Variants in POLR3A observed in about 807,000 individuals in gnomAD.
POLR3A encodes the protein RNA polymerase III subunit A.
A neutral mutation model predicts 152.8 loss-of-function variants in POLR3A; 112 were observed. The ratio of observed to expected loss-of-function variants is 0.73; its 90% confidence interval spans 0.63 to 0.86. The LOEUF is 0.86. POLR3A is among the 40% of genes least tolerant of loss of function. POLR3A has a pLI of 0.00. For missense variants in POLR3A, 1,385 were observed against 1,743.1 expected, an observed-to-expected ratio of 0.79 and a Z score of 3.66; for synonymous variants, 615 against 652.1, an observed-to-expected ratio of 0.94 and a Z score of 0.87.
chr10:78,019,423 A>G, intron 8 of POLR3A, 158 bp from the exon 9 acceptor site: 2 of 641,050 alleles, frequency 3.1e-6, no homozygotes, highest in South Asian at 3.5e-5. Context: ...GTATAATGTG[A>G]ACAACAGACT....
In POLR3A at chr10:78,022,212, C is replaced by T; in HGVS notation, c.818G>A (p.Gly273Asp). The change falls in exon 6 of 31, where the codon GGC becomes GAC. Residue 273 changes from glycine (G) to aspartate (D), a missense_variant. Transcript: ENST00000372371. ...CATTGTCAGATCATCTTCATTGGTG[C>T]CAGACTTCAAATCACTCACAACGGA... is the stretch of plus-strand genomic sequence containing the variant. ...RPSVVSDLKS[G>D]TNEDDLTMKL... The T allele has an allele frequency of 1.2e-6, 2 of 1,614,120 alleles. No homozygotes were observed. Among genetic ancestry groups the T allele is most frequent in the Non-Finnish European group, 1.7e-6 (2 of 1,180,008 alleles).
intron 30 of POLR3A, among the ~76,000 whole-genome samples, chr10:77,978,480 A>G (rs7905170): frequency 0.25 from 37,499 of 151,934 alleles, 5,129 homozygotes; most frequent in East Asian, 0.52. Context: ...GTGCTGGTGT[A>G]TGGGGCCGCA....
Position 77,991,859 on chromosome 10 carries a change from AC to A in POLR3A, c.2788-693del, listed in dbSNP as rs374399243. On this transcript the variant is annotated intron_variant, in intron 20 of 30. Coordinates refer to ENST00000372371, the MANE Select transcript of POLR3A (RefSeq NM_007055.4). ...CCTCTCCTCTGCTTTGTCCAAGTTG[AC>A]TCAATGTTTTAATGGCTGCATTATT... 3.2e-3 allele frequency among the ~76,000 whole-genome samples: 484 copies of A among 152,138 alleles called. 3 individuals are homozygous for A. Among genetic ancestry groups the A allele is most frequent in the African/African-American group, 0.011 (466 of 41,516 alleles).
chr10:77,982,964 A>G, intron 26 of POLR3A, 147 bp from the exon 27 acceptor site: 1 of 711,458 alleles, frequency 1.4e-6, no homozygotes, highest in Non-Finnish European at 2.6e-6. Flanking sequence ...AATATGCTAC[A>G]TATGTTTTAT....
In POLR3A at chr10:78,025,695, T is replaced by C; in HGVS notation, c.245A>G (p.His82Arg). The C allele has an allele frequency of 6.2e-7, 1 of 1,613,898 alleles. No homozygotes were observed. The highest frequency in any genetic ancestry group is 1.1e-5 in the South Asian group (1 of 91,070). Residue 82 changes from histidine (H) to arginine (R), a missense_variant, in exon 3 of 31, where the codon CAC (histidine) becomes CGC (arginine). Transcript: ENST00000372371. ...CAACTCCAGGTCGATATACCCATAG[T>C]GGCCTAGACAGTCAGCCAAGTTTTT... ...CGKNLADCLG[H>R]YGYIDLELPC...
chr10:78,003,768 C>CA (rs985336850), intron 16 of POLR3A, among the ~76,000 whole-genome samples: 24 of 147,800 alleles, frequency 1.6e-4, no homozygotes, highest in South Asian at 6.4e-4. Context: ...ACTAAAAATG[C>CA]AAAAAAAAAA....
Position 78,029,452 on chromosome 10 carries a change from T to G in POLR3A, c.-45A>C, listed in dbSNP as rs1045438842. Reference sequence around the variant, plus strand: ...CCTCCTTGGCACTCGGGAGGCCAGATTAGAGAAACGATGCCCCCAGCACCT... The same window carrying G: ...CCTCCTTGGCACTCGGGAGGCCAGAGTAGAGAAACGATGCCCCCAGCACCT... On this transcript the variant is annotated 5_prime_UTR_variant, in exon 1 of 31. Coordinates refer to ENST00000372371, the MANE Select transcript of POLR3A (RefSeq NM_007055.4). The G allele has an allele frequency of 1.9e-6, 3 of 1,608,366 alleles. No individual in the cohort carries two copies. Among genetic ancestry groups the G allele is most frequent in the Non-Finnish European group, 2.6e-6 (3 of 1,175,322 alleles).
rs115020338 is a variant in POLR3A, at chr10:78,009,681, G to C, written c.1771-6C>G. Reference sequence around the variant, plus strand: ...CCCGTCCACAGGGTGACAGGCTGAGGGGGGGAGGAAGCCTGAGAGTCAGTG... The same window carrying C: ...CCCGTCCACAGGGTGACAGGCTGAGCGGGGGAGGAAGCCTGAGAGTCAGTG... On this transcript the variant is annotated splice_polypyrimidine_tract_variant and splice_region_variant and intron_variant, in intron 13 of 30. Coordinates refer to ENST00000372371, the MANE Select transcript of POLR3A (RefSeq NM_007055.4). 70 of 1,613,784 alleles carry C rather than the reference G, an allele frequency of 4.3e-5. No homozygotes were observed. The highest frequency in any genetic ancestry group is 1.6e-4 in the Middle Eastern group (1 of 6,082).
intron 19 of POLR3A, 37 bp from the exon 20 acceptor site, chr10:77,993,404 G>C: frequency 1.0e-5 from 16 of 1,532,888 alleles, no homozygotes; most frequent in Non-Finnish European, 1.4e-5. Flanking sequence ...GCTGCTTTGA[G>C]AAGACTAGTC....
intron 20 of POLR3A, among the ~76,000 whole-genome samples, chr10:77,992,905 G>A (rs1445680724): frequency 1.3e-5 from 2 of 150,102 alleles, no homozygotes; most frequent in Non-Finnish European, 3.0e-5. Context: ...TTATAGAGAC[G>A]GGGTCTCACT....
chr10:77,991,794 G>C (rs1187963901), intron 20 of POLR3A, among the ~76,000 whole-genome samples: 1 of 152,190 alleles, frequency 6.6e-6, no homozygotes, highest in Non-Finnish European at 1.5e-5. Context: ...CAAAGGACTA[G>C]GATTACAAGC....
intron 21 of POLR3A, among the ~76,000 whole-genome samples, chr10:77,987,787 ATC>A (rs2131932844): frequency 6.6e-6 from 1 of 152,330 alleles, no homozygotes; most frequent in South Asian, 2.1e-4. Flanking sequence ...TAGCCTTAGC[ATC>A]TGTGTCCACA....
intron 26 of POLR3A, among the ~76,000 whole-genome samples, chr10:77,983,292 C>T (rs1847166515): frequency 6.6e-6 from 1 of 152,224 alleles, no homozygotes; most frequent in Non-Finnish European, 1.5e-5. Context: ...CAGGTTGCTG[C>T]ATTTGAGTCA....
chr10:78,003,450 G>C (rs1847376442), intron 16 of POLR3A, among the ~76,000 whole-genome samples: 1 of 152,214 alleles, frequency 6.6e-6, no homozygotes. Flanking sequence ...GGTGCACTCA[G>C]ACTGCTGAGG....
chr10:78,023,037 A>T (rs2131959323), intron 5 of POLR3A, among the ~76,000 whole-genome samples: 1 of 152,250 alleles, frequency 6.6e-6, no homozygotes, highest in South Asian at 2.1e-4. Flanking sequence ...ACACGCCTGT[A>T]ATCCCAGATA....
intron 10 of POLR3A, among the ~76,000 whole-genome samples, chr10:78,015,210 G>A (rs1441893979): frequency 2.0e-5 from 3 of 152,166 alleles, no homozygotes; most frequent in Non-Finnish European, 2.9e-5. Context: ...TGGGTTCATC[G>A]AAGAAAAATG....
In POLR3A at chr10:78,029,397, T is replaced by A; in HGVS notation, c.11A>T (p.Glu4Val). The A allele has an allele frequency of 6.2e-7, 1 of 1,614,058 alleles. No individual in the cohort carries two copies. The highest frequency in any genetic ancestry group is 8.5e-7 in the Non-Finnish European group (1 of 1,180,006). The change falls in exon 1 of 31, where the codon GAG becomes GTG. Residue 4 changes from glutamate (E) to valine (V), a missense_variant. This residue lies in a region of POLR3A where 493 missense variants were observed against 647.5 expected (regional missense o/e 0.76). Coordinates refer to ENST00000372371, the MANE Select transcript of POLR3A (RefSeq NM_007055.4). Reference sequence around the variant, plus strand: ...GGCCACATCCGTCTCCCGGAACTGCTCCTTCACCATGATGACCGCTGCCGG... The same window carrying A: ...GGCCACATCCGTCTCCCGGAACTGCACCTTCACCATGATGACCGCTGCCGG... MVK[E>V]QFRETDVAKK...
intron 19 of POLR3A, 104 bp downstream of exon 19, chr10:77,999,877 G>T: frequency 8.7e-7 from 1 of 1,153,202 alleles, no homozygotes; most frequent in Non-Finnish European, 1.3e-6. Context: ...TTTAACCCAA[G>T]ACTAGATAAA....
intron 3 of POLR3A, among the ~76,000 whole-genome samples, 197 bp downstream of exon 3, chr10:78,025,425 C>G (rs1847623291): frequency 1.3e-5 from 2 of 152,102 alleles, no homozygotes; most frequent in Admixed American, 1.3e-4. Context: ...ACGTATCTAC[C>G]ATCTTCTCAA....
Sources: allele counts gnomAD v4.1 joint callset (sites outside exome capture counted in the v4.1 genomes callset), GRCh38; gene constraint gnomAD v4.1.1; regional missense constraint gnomAD v4.1.1; transcripts MANE v1.5; gene names NCBI Gene and HGNC (gene_info 2026-07-23, HGNC 2026-07-21).